The following KCNC2 variants were observed in gnomAD, a reference collection of about 807,000 sequenced individuals.
The protein encoded by KCNC2 is voltage-gated potassium channel KCNC2.
Under a neutral mutation model 44.5 loss-of-function variants are expected in KCNC2, and 21 were observed. The ratio of observed to expected loss-of-function variants is 0.47; its 90% CI spans 0.33 to 0.68. The LOEUF (loss-of-function observed/expected upper bound fraction) is 0.68, where lower values mean the gene tolerates loss of function less well. Among genes scored for constraint, KCNC2 ranks in the 30% least tolerant of loss-of-function variants. The pLI, the probability that KCNC2 is intolerant of heterozygous loss-of-function variation, is 0.01. For missense variants in KCNC2, 589 were observed against 826.2 expected, an observed-to-expected ratio of 0.71 and a Z score of 3.52; for synonymous variants, 391 against 339.1, an observed-to-expected ratio of 1.15 and a Z score of -1.68.
intron 2 of KCNC2, among the ~76,000 whole-genome samples, chr12:75,071,726 C>T (rs1412844249): frequency 4.6e-5 from 7 of 151,832 alleles, no homozygotes; most frequent in African/African-American, 1.5e-4. Flanking sequence ...CCAAGGCGGG[C>T]GGATCACGAG....
chr12:75,149,240 G>T (rs1565893274), intron 2 of KCNC2, among the ~76,000 whole-genome samples: 1 of 151,476 alleles, frequency 6.6e-6, no homozygotes, highest in Admixed American at 6.6e-5. Flanking sequence ...AATTTATTTT[G>T]TAGTTTTCCC....
chr12:75,129,972 G>A (rs1307943326), intron 2 of KCNC2, among the ~76,000 whole-genome samples: 1 of 152,142 alleles, frequency 6.6e-6, no homozygotes, highest in Non-Finnish European at 1.5e-5. Context: ...CCTGAATTCT[G>A]TATAGTACCC....
At chr12:75,188,232 G>A (rs1376445786) in intron 2 of KCNC2, among the ~76,000 whole-genome samples, 1 of 152,124 alleles carries the variant, frequency 6.6e-6, no homozygotes, top group African/African-American at 2.4e-5. Context: ...ATTAGAATTA[G>A]AGTTACAGTA....
chr12:75,072,638 A>T (rs953562540), intron 2 of KCNC2, among the ~76,000 whole-genome samples: 15 of 151,650 alleles, frequency 9.9e-5, no homozygotes, highest in African/African-American at 2.9e-4. Flanking sequence ...GTCCCATATA[A>T]AAAAAAAGGT....
intron 2 of KCNC2, among the ~76,000 whole-genome samples, chr12:75,204,677 A>C (rs187731684): frequency 2.1e-4 from 32 of 152,282 alleles, no homozygotes; most frequent in Non-Finnish European, 4.3e-4. Flanking sequence ...TCGATGCAAA[A>C]TATAATTTCA....
At chr12:75,186,684 T>A (rs1401293513) in intron 2 of KCNC2, among the ~76,000 whole-genome samples, 1 of 152,194 alleles carries the variant, frequency 6.6e-6, no homozygotes, top group African/African-American at 2.4e-5. Context: ...CAACAGCATT[T>A]CAGCAGACTT....
At chr12:75,130,267 C>A (rs1888738317) in intron 2 of KCNC2, among the ~76,000 whole-genome samples, 1 of 152,124 alleles carries the variant, frequency 6.6e-6, no homozygotes, top group African/African-American at 2.4e-5. Context: ...AATTCTTCAT[C>A]CTCCATTAGG....
intron 2 of KCNC2, among the ~76,000 whole-genome samples, chr12:75,142,950 C>T (rs1217211380): frequency 6.6e-6 from 1 of 152,160 alleles, no homozygotes; most frequent in Non-Finnish European, 1.5e-5. Flanking sequence ...TTCCCTCGCA[C>T]TCCTTTTACT....
At chr12:75,193,825 A>G (rs530569583) in intron 2 of KCNC2, among the ~76,000 whole-genome samples, 2 of 152,278 alleles carry the variant, frequency 1.3e-5, no homozygotes, top group East Asian at 1.9e-4. Flanking sequence ...CCCACAACAC[A>G]CTATATTCAC....
intron 2 of KCNC2, among the ~76,000 whole-genome samples, chr12:75,077,305 C>A (rs571314551): frequency 1.3e-5 from 2 of 152,214 alleles, no homozygotes; most frequent in South Asian, 4.1e-4. Context: ...ATCTGGAAAA[C>A]CTCATTAAAA....
intron 2 of KCNC2, among the ~76,000 whole-genome samples, chr12:75,181,488 A>G (rs767159221): frequency 6.6e-6 from 1 of 152,170 alleles, no homozygotes; most frequent in Non-Finnish European, 1.5e-5. Context: ...TACTAAGTAT[A>G]CCGCACCTTC....
intron 2 of KCNC2, among the ~76,000 whole-genome samples, chr12:75,066,536 G>T (rs1371485387): frequency 1.3e-5 from 2 of 152,130 alleles, no homozygotes; most frequent in Admixed American, 6.5e-5. Context: ...TAATTTTACT[G>T]AGATGAATAG....
chr12:75,132,344 A>G (rs1454784353), intron 2 of KCNC2, among the ~76,000 whole-genome samples: 1 of 152,208 alleles, frequency 6.6e-6, no homozygotes, highest in African/African-American at 2.4e-5. Flanking sequence ...TGTACCAAAA[A>G]TAAGTGGATT....
intron 2 of KCNC2, among the ~76,000 whole-genome samples, chr12:75,165,322 T>C (rs1307622201): frequency 6.6e-6 from 1 of 151,532 alleles, no homozygotes; most frequent in Admixed American, 6.6e-5. Flanking sequence ...GACTTTTTAA[T>C]CATACACTTA....
chr12:75,129,770 T>C (rs1486842980), intron 2 of KCNC2, among the ~76,000 whole-genome samples: 1 of 152,162 alleles, frequency 6.6e-6, no homozygotes, highest in African/African-American at 2.4e-5. Flanking sequence ...ATAATCAGTA[T>C]ACCAATAAGA....
At chr12:75,079,762 A>G (rs1884315598) in intron 2 of KCNC2, among the ~76,000 whole-genome samples, 2 of 152,160 alleles carry the variant, frequency 1.3e-5, no homozygotes, top group African/African-American at 4.8e-5. Flanking sequence ...AGGGTTTCTC[A>G]ATATAAAATA....
At chr12:75,206,030 T>G (rs547021714) in intron 2 of KCNC2, among the ~76,000 whole-genome samples, 32 of 152,304 alleles carry the variant, frequency 2.1e-4, no homozygotes, top group Admixed American at 2.0e-3. Flanking sequence ...AATTGTCTCT[T>G]TCATATTCTA....
chr12:75,046,782 A>T (rs550240961), intron 4 of KCNC2, among the ~76,000 whole-genome samples: 1 of 152,052 alleles, frequency 6.6e-6, no homozygotes, highest in African/African-American at 2.4e-5. Context: ...AAATAGATGC[A>T]AACAATGGAA....
intron 2 of KCNC2, among the ~76,000 whole-genome samples, chr12:75,116,721 T>A (rs1887685157): frequency 6.6e-6 from 1 of 152,090 alleles, no homozygotes. Flanking sequence ...ACGATGCCAT[T>A]CCCAACATTC....
Sources: gnomAD v4.1 joint callset for allele counts (sites outside exome capture counted in the v4.1 genomes callset) on GRCh38, gnomAD v4.1.1 for gene constraint, MANE v1.5 for transcripts, NCBI Gene and HGNC (gene_info 2026-07-23, HGNC 2026-07-21) for gene names.